The following EGFLAM variants were observed in gnomAD, a reference collection of about 807,000 sequenced individuals.
EGFLAM encodes pikachurin.
In EGFLAM, 79 loss-of-function variants were observed where a neutral mutation model predicts 113.1. The ratio of observed to expected loss-of-function variants is 0.70; its 90% confidence interval spans 0.58 to 0.84. The LOEUF (loss-of-function observed/expected upper bound fraction) is 0.84. Ranked by LOEUF, EGFLAM falls within the 40% of genes least tolerant of loss-of-function variation. EGFLAM has a pLI of 0.00. For missense variants in EGFLAM, 1,265 were observed against 1,291.6 expected, an observed-to-expected ratio of 0.98 and a Z score of 0.32; for synonymous variants, 504 against 487.6, an observed-to-expected ratio of 1.03 and a Z score of -0.44.
intron 17 of EGFLAM, chr5:38,445,595 G>T: frequency 6.3e-7 from 1 of 1,598,004 alleles, no homozygotes; most frequent in South Asian, 1.1e-5. Flanking sequence ...GGCTTCAAGT[G>T]ATCTGCAACC....
intron 1 of EGFLAM, among the ~76,000 whole-genome samples, chr5:38,269,956 G>T (rs1424951738): frequency 1.3e-5 from 2 of 152,178 alleles, no homozygotes; most frequent in Admixed American, 6.5e-5. Context: ...CAACCCAGCG[G>T]TGTTTCTGCA....
chr5:38,326,900 G>A (rs181126595), intron 1 of EGFLAM, among the ~76,000 whole-genome samples: 61 of 151,052 alleles, frequency 4.0e-4, no homozygotes, highest in Admixed American at 1.5e-3. Flanking sequence ...CCAGGTTCAA[G>A]CGATTCTCCT....
chr5:38,295,120 C>A (rs1246242073), intron 1 of EGFLAM, among the ~76,000 whole-genome samples: 7 of 152,166 alleles, frequency 4.6e-5, no homozygotes, highest in African/African-American at 1.7e-4. Context: ...AGTCACTGCG[C>A]CTGGCCGCAA....
At chr5:38,394,453 A>G (rs1740900423) in intron 6 of EGFLAM, among the ~76,000 whole-genome samples, 1 of 151,782 alleles carries the variant, frequency 6.6e-6, no homozygotes, top group East Asian at 2.0e-4. Flanking sequence ...TCTGTCTCCC[A>G]GGCTGGAGTG....
At chr5:38,269,764 C>G (rs980798858) in intron 1 of EGFLAM, among the ~76,000 whole-genome samples, 19 of 152,188 alleles carry the variant, frequency 1.2e-4, no homozygotes, top group African/African-American at 4.6e-4. Flanking sequence ...GCTGGGATTA[C>G]AGGCCTGAGC....
intron 14 of EGFLAM, among the ~76,000 whole-genome samples, chr5:38,428,504 T>G (rs116614081): frequency 6.6e-6 from 1 of 152,242 alleles, no homozygotes; most frequent in South Asian, 2.1e-4. Context: ...AATTTACATA[T>G]GATTATGCAA....
In EGFLAM at chr5:38,412,660, C is replaced by A. The variant is rs1325109724; in HGVS notation, c.1494+12C>A. ...CAGGCCAGTCTCAGGTATGTATGAG[C>A]CCCACACCCTGCCCACCCCACATAC... On this transcript the variant is annotated intron_variant, in intron 11 of 21. Transcript: ENST00000322350. 1 of 1,612,474 alleles carries A rather than the reference C, an allele frequency of 6.2e-7. No individual in the cohort carries two copies. Among genetic ancestry groups the A allele is most frequent in the East Asian group, 2.2e-5 (1 of 44,848 alleles).
At chr5:38,424,060 C>G (rs1055104521) in intron 12 of EGFLAM, among the ~76,000 whole-genome samples, 2 of 152,142 alleles carry the variant, frequency 1.3e-5, no homozygotes, top group Non-Finnish European at 1.5e-5. Flanking sequence ...AGAGGCACGC[C>G]CTTCTACCTC....
intron 6 of EGFLAM, among the ~76,000 whole-genome samples, chr5:38,405,048 A>T (rs16903963): frequency 0.047 from 7,167 of 152,274 alleles, 222 homozygotes; most frequent in African/African-American, 0.072. Flanking sequence ...TTGTCCTGCT[A>T]AGATGGATGA....
Position 38,338,792 on chromosome 5 carries a change from C to G in EGFLAM, c.291+11C>G, listed in dbSNP as rs746878421. On this transcript the variant is annotated intron_variant, in intron 3 of 21. Coordinates refer to ENST00000322350, the MANE Select transcript of EGFLAM (RefSeq NM_152403.4). Reference sequence around the variant, plus strand: ...GACATCCCGACCACGGTGAGTCTTTCCATCCTGGCAGCCCACTCAAAAGCA... The same window carrying G: ...GACATCCCGACCACGGTGAGTCTTTGCATCCTGGCAGCCCACTCAAAAGCA... The G allele has an allele frequency of 6.2e-7, 1 of 1,613,522 alleles. No individual in the cohort carries two copies. The highest frequency in any genetic ancestry group is 8.5e-7 in the Non-Finnish European group (1 of 1,179,436).
intron 15 of EGFLAM, among the ~76,000 whole-genome samples, chr5:38,432,640 C>G (rs140360689): frequency 2.6e-5 from 4 of 152,318 alleles, no homozygotes; most frequent in Non-Finnish European, 5.9e-5. Flanking sequence ...GAATACACCT[C>G]GCTGTCTGTT....
At position 38,407,072 on chromosome 5, in the gene EGFLAM, G is replaced by A. The variant is rs758599377; in HGVS notation, c.1073G>A (p.Cys358Tyr). ...DETLCSADSFCVNDYTWGGSR... is the reference protein window; with the variant it reads ...DETLCSADSFYVNDYTWGGSR... ...ACTCTCTGCTCTGCTGACAGCTTCT[G>A]TGTCAATGACTACACCTGGGGGGGC... Residue 358 changes from cysteine (C) to tyrosine (Y), a missense_variant, in exon 8 of 22, where the codon TGT becomes TAT. Physicochemically the swap from Cys to Tyr is radical, Grantham distance 194. Coordinates refer to ENST00000322350, the MANE Select transcript of EGFLAM (RefSeq NM_152403.4). 1.2e-6 allele frequency: 2 copies of A among 1,614,054 alleles called. No individual in the cohort carries two copies. Among genetic ancestry groups the A allele is most frequent in the African/African-American group, 2.7e-5 (2 of 74,912 alleles).
intron 17 of EGFLAM, among the ~76,000 whole-genome samples, chr5:38,442,942 G>T (rs1742592307): frequency 6.6e-6 from 1 of 152,232 alleles, no homozygotes; most frequent in Non-Finnish European, 1.5e-5. Flanking sequence ...CAGACGCCCT[G>T]ATATCGCATA....
At chr5:38,329,674 G>GA (rs1417057797) in intron 1 of EGFLAM, among the ~76,000 whole-genome samples, 1 of 152,158 alleles carries the variant, frequency 6.6e-6, no homozygotes, top group Admixed American at 6.5e-5. Context: ...GTTCTTTGGG[G>GA]AAGAGTATAT....
rs797021726 is a variant in EGFLAM, at chr5:38,399,277, G to GTT, written c.713-6832_713-6831dup. 4.1e-4 allele frequency among the ~76,000 whole-genome samples: 48 copies of GTT among 118,464 alleles called. 1 individual carries two copies. The highest frequency in any genetic ancestry group is 7.1e-4 in the East Asian group (3 of 4,254). 77.7% of individuals were successfully genotyped at this position (118,464 alleles called of 152,430 possible). On this transcript the variant is annotated intron_variant, in intron 6 of 21. Transcript: ENST00000322350. Reference sequence around the variant, plus strand: ...CAGGTTCTTTTTTATTTTTGTTTTCGTTTTTTTTTTTTTTTTTTGAGATGG... The same window carrying GTT: ...CAGGTTCTTTTTTATTTTTGTTTTCGTTTTTTTTTTTTTTTTTTTTGAGATGG...
Position 38,287,133 on chromosome 5 carries a change from G to A in EGFLAM, c.97+28282G>A, listed in dbSNP as rs1448541806. The stretch of plus-strand genomic sequence containing the variant: ...GTTGCTAACAATGTGATTAGTTCTA[G>A]GTAATAGATCTTGAAGCCAGGTAGA... On this transcript the variant is annotated intron_variant, in intron 1 of 21. Transcript: ENST00000322350. Among the ~76,000 whole-genome samples, 15 of 152,146 alleles carry A rather than the reference G, an allele frequency of 9.9e-5. No individual in the cohort carries two copies. In the South Asian group the frequency reaches 1.5e-3, roughly 15 times the overall value.
intron 18 of EGFLAM, among the ~76,000 whole-genome samples, chr5:38,450,362 C>A (rs1579950117): frequency 6.6e-6 from 1 of 152,294 alleles, no homozygotes; most frequent in South Asian, 2.1e-4. Flanking sequence ...CAAACTTGGT[C>A]TCTTCCTGAC....
intron 17 of EGFLAM, among the ~76,000 whole-genome samples, chr5:38,441,268 C>T (rs1413750448): frequency 6.6e-6 from 1 of 152,126 alleles, no homozygotes; most frequent in African/African-American, 2.4e-5. Flanking sequence ...GCTGTGACTT[C>T]AGGTGCCAAG....
chr5:38,394,807 C>T (rs1442019974), intron 6 of EGFLAM, among the ~76,000 whole-genome samples: 1 of 149,320 alleles, frequency 6.7e-6, no homozygotes, highest in African/African-American at 2.5e-5. Flanking sequence ...CTTACTCTTT[C>T]CTTCTTTTTC....
Sources: gnomAD v4.1 joint callset for allele counts (sites outside exome capture counted in the v4.1 genomes callset) on GRCh38, gnomAD v4.1.1 for gene constraint, MANE v1.5 for transcripts, NCBI Gene and HGNC (gene_info 2026-07-23, HGNC 2026-07-21) for gene names.